COL4A6: variants seen among roughly 807,000 people sequenced by gnomAD.
COL4A6 encodes collagen type IV alpha 6 chain.
Under a neutral mutation model 126.7 loss-of-function variants are expected in COL4A6, and 59 were observed. That is an observed-to-expected ratio of 0.47 (90% CI 0.38 to 0.58). The LOEUF (loss-of-function observed/expected upper bound fraction) is 0.58, where lower values mean the gene tolerates loss of function less well. Among genes scored for constraint, COL4A6 ranks in the 20% least tolerant of loss-of-function variants. The probability of loss-of-function intolerance (pLI) is 0.00; values close to 1 mark genes in which losing one functional copy is unlikely to be tolerated. For missense variants in COL4A6, 1,285 were observed against 1,337.3 expected, an observed-to-expected ratio of 0.96 and a Z score of 0.61; for synonymous variants, 547 against 496.6, an observed-to-expected ratio of 1.10 and a Z score of -1.35.
intron 3 of COL4A6, among the ~76,000 whole-genome samples, chrX:108,271,655 G>A (rs1342026997): frequency 9.1e-6 from 1 of 110,396 alleles, no homozygotes; most frequent in Admixed American, 9.7e-5. Flanking sequence ...CTGAACCCCA[G>A]CGAAAAACAC....
chrX:108,198,456 GA>G (rs1048094213), intron 13 of COL4A6, among the ~76,000 whole-genome samples: 22 of 108,426 alleles, frequency 2.0e-4, no homozygotes, highest in African/African-American at 6.1e-4. Flanking sequence ...ATGTAAAAAG[GA>G]AAAAAAAAGA....
At chrX:108,315,554 T>C (rs1419915177) in intron 2 of COL4A6, among the ~76,000 whole-genome samples, 1 of 112,336 alleles carries the variant, frequency 8.9e-6, no homozygotes, top group East Asian at 2.8e-4. Flanking sequence ...GGTTAGGGTT[T>C]GCTAAACCAT....
At chrX:108,209,205 C>A (rs1314464557) in intron 8 of COL4A6, among the ~76,000 whole-genome samples, 14 of 112,087 alleles carry the variant, frequency 1.2e-4, no homozygotes, top group Non-Finnish European at 1.9e-5. Flanking sequence ...CCTCCCACTG[C>A]CAGCTAAACA....
intron 20 of COL4A6, 88 bp downstream of exon 20, chrX:108,190,304 G>T: frequency 1.7e-6 from 1 of 589,999 alleles, no homozygotes; most frequent in South Asian, 2.9e-5. Context: ...CTTCTGTTTA[G>T]GTTCCCGAGG....
At chrX:108,209,928 T>G in intron 8 of COL4A6, 41 bp downstream of exon 8, 1 of 1,196,649 alleles carries the variant, frequency 8.4e-7, no homozygotes, top group East Asian at 3.0e-5. Context: ...TTAGTGATTT[T>G]TAGTCAACAC....
chrX:108,327,637 G>T (rs932369726), intron 2 of COL4A6, among the ~76,000 whole-genome samples: 59 of 110,066 alleles, frequency 5.4e-4, no homozygotes, highest in Non-Finnish European at 1.7e-4. Context: ...ATTGTCCAAG[G>T]ATGGGGGGTG....
chrX:108,216,895 A>T (rs754716166), intron 5 of COL4A6, among the ~76,000 whole-genome samples: 6 of 112,845 alleles, frequency 5.3e-5, no homozygotes, highest in Middle Eastern at 4.6e-3. Flanking sequence ...GATTGACTCC[A>T]TGGGGAAAGC....
intron 2 of COL4A6, among the ~76,000 whole-genome samples, chrX:108,330,365 C>T (rs1188749618): frequency 9.0e-6 from 1 of 111,585 alleles, no homozygotes; most frequent in Non-Finnish European, 1.9e-5. Context: ...TCATGCACGG[C>T]TCTCCAAGTA....
chrX:108,176,909 A>G lies in COL4A6; in HGVS notation c.2618T>C (p.Leu873Pro), dbSNP rs1248599051. Residue 873 changes from leucine to proline, a missense_variant, in exon 28 of 45, where the codon CTA becomes CCA. Transcript: ENST00000334504. Reference protein sequence around the residue: ...GLKGLPGNPGLVGLKGSPGSP... With the variant: ...GLKGLPGNPGPVGLKGSPGSP... Reference sequence around the variant, plus strand: ...GCCTGGGCTTCCTTTCAGTCCTACTAGGCCTGGATTTCCAGGAAGGCCTTT... The same window carrying G: ...GCCTGGGCTTCCTTTCAGTCCTACTGGGCCTGGATTTCCAGGAAGGCCTTT... The G allele has an allele frequency of 8.3e-7, 1 of 1,211,877 alleles. No homozygotes were observed. Among genetic ancestry groups the G allele is most frequent in the Non-Finnish European group, 1.1e-6 (1 of 895,481 alleles).
At chrX:108,175,253 G>A (rs1479765660) in intron 29 of COL4A6, 38 bp from the exon 30 acceptor site, 23 of 1,136,686 alleles carry the variant, frequency 2.0e-5, no homozygotes, top group Non-Finnish European at 2.7e-5. Context: ...AGAGAGCTTA[G>A]ACGCAGGGTC....
chrX:108,263,850 A>G (rs1234752701), intron 3 of COL4A6, among the ~76,000 whole-genome samples: 1 of 111,541 alleles, frequency 9.0e-6, no homozygotes, highest in South Asian at 3.8e-4. Context: ...AGGATGGATA[A>G]AAGGTAGCCT....
At chrX:108,196,424 A>C (rs749658963) in intron 14 of COL4A6, 87 bp downstream of exon 14, 763 of 861,064 alleles carry the variant, frequency 8.9e-4, no homozygotes, top group South Asian at 2.0e-3. Flanking sequence ...GGTGGCAATC[A>C]AGTTGCAAAA....
At chrX:108,280,993 C>T (rs1352899479) in intron 3 of COL4A6, among the ~76,000 whole-genome samples, 3 of 109,497 alleles carry the variant, frequency 2.7e-5, no homozygotes, top group African/African-American at 1.0e-4. Context: ...TTGGACGTAT[C>T]TCAAAATAAT....
chrX:108,410,479 T>C (rs2041304016), intron 2 of COL4A6, among the ~76,000 whole-genome samples: 1 of 111,244 alleles, frequency 9.0e-6, no homozygotes, highest in Non-Finnish European at 1.9e-5. Context: ...GTTAGATTGA[T>C]GTACACTTTT....
intron 2 of COL4A6, among the ~76,000 whole-genome samples, chrX:108,348,030 C>T (rs373098070): frequency 2.2e-4 from 25 of 111,229 alleles, no homozygotes; most frequent in African/African-American, 8.2e-4. Context: ...TCTAGGATGA[C>T]CTCGGGTCTC....
chrX:108,379,207 A>G (rs1420757631), intron 2 of COL4A6, among the ~76,000 whole-genome samples: 1 of 111,891 alleles, frequency 8.9e-6, no homozygotes, highest in East Asian at 2.8e-4. Context: ...TTTTATGTCC[A>G]GGGAGAATGC....
At chrX:108,241,618 A>G (rs1263098153) in intron 3 of COL4A6, among the ~76,000 whole-genome samples, 4 of 105,539 alleles carry the variant, frequency 3.8e-5, no homozygotes, top group African/African-American at 1.4e-4. Context: ...TCAGAGTAGC[A>G]TAGCTTGGTG....
intron 13 of COL4A6, among the ~76,000 whole-genome samples, chrX:108,201,077 T>C (rs778961288): frequency 1.4e-3 from 152 of 111,740 alleles, no homozygotes; most frequent in Non-Finnish European, 2.5e-3. Context: ...ATTGAACAGA[T>C]GATTTTCCAT....
intron 2 of COL4A6, among the ~76,000 whole-genome samples, chrX:108,319,950 T>C (rs1323141558): frequency 1.8e-5 from 2 of 112,024 alleles, no homozygotes; most frequent in Non-Finnish European, 3.8e-5. Flanking sequence ...TGGTATCTAA[T>C]ACAGAAGTTG....
Sources: allele counts gnomAD v4.1 joint callset (sites outside exome capture counted in the v4.1 genomes callset), GRCh38; gene constraint gnomAD v4.1.1; transcripts MANE v1.5; gene names NCBI Gene and HGNC (gene_info 2026-07-23, HGNC 2026-07-21).